Variants in EXOC6 observed in about 807,000 individuals in gnomAD.
EXOC6 encodes the protein SEC15-like 1.
A neutral mutation model predicts 112.5 loss-of-function variants in EXOC6; 60 were observed. The observed-to-expected ratio is 0.53, with a 90% confidence interval of 0.43 to 0.66. The LOEUF is 0.66. EXOC6 is among the 30% of genes least tolerant of loss of function. EXOC6 has a pLI of 0.00. For synonymous variants in EXOC6, 295 were observed against 308.0 expected (o/e 0.96, Z 0.44); for missense variants, 855 against 957.1 (o/e 0.89, Z 1.41).
intron 18 of EXOC6, among the ~76,000 whole-genome samples, chr10:92,993,492 G>A (rs1422358182): frequency 6.6e-6 from 1 of 151,958 alleles, no homozygotes; most frequent in Non-Finnish European, 1.5e-5. Flanking sequence ...TTTGAAATAA[G>A]AAAATGGTAA....
upstream of EXOC6, among the ~76,000 whole-genome samples, chr10:92,832,883 G>A (rs771110923): frequency 4.6e-5 from 7 of 152,062 alleles, no homozygotes; most frequent in Non-Finnish European, 5.9e-5. Context: ...GGCTAGTCTC[G>A]AACTCCTGGC....
upstream of EXOC6, among the ~76,000 whole-genome samples, chr10:92,831,078 A>T (rs1846466725): frequency 6.6e-6 from 1 of 152,228 alleles, no homozygotes; most frequent in South Asian, 2.1e-4. Context: ...GAAAGTTTTG[A>T]ATAAAAGGAA....
chr10:93,011,039 A>T lies in EXOC6; in HGVS notation c.2096-3155A>T, dbSNP rs559808579. ...GAAAAATTCTGAGCATTAAGTAGAT[A>T]ATAACTATATGTCTAATTGAAATTG... On this transcript the variant is annotated intron_variant, in intron 19 of 21. Coordinates refer to ENST00000260762, the MANE Select transcript of EXOC6 (RefSeq NM_019053.6). 6.7e-4 allele frequency among the ~76,000 whole-genome samples: 102 copies of T among 152,240 alleles called. 2 individuals carry two copies. The highest frequency in any genetic ancestry group is 2.4e-3 in the African/African-American group (98 of 41,540).
At chr10:93,042,946 A>G (rs1471317371) in intron 20 of EXOC6, among the ~76,000 whole-genome samples, 1 of 143,848 alleles carries the variant, frequency 7.0e-6, no homozygotes, top group African/African-American at 2.6e-5. Context: ...TATTATTATT[A>G]TTATTATTAT....
At chr10:92,923,513 T>A (rs1851554669) in intron 8 of EXOC6, among the ~76,000 whole-genome samples, 1 of 152,174 alleles carries the variant, frequency 6.6e-6, no homozygotes, top group Non-Finnish European at 1.5e-5. Context: ...ATCTGAAGGC[T>A]TAACAGGGGC....
chr10:93,025,391 A>T (rs554695864), intron 20 of EXOC6, among the ~76,000 whole-genome samples: 3 of 152,200 alleles, frequency 2.0e-5, no homozygotes, highest in Non-Finnish European at 4.4e-5. Context: ...CTAGTGAGGG[A>T]TGAGATACCT....
intron 8 of EXOC6, among the ~76,000 whole-genome samples, chr10:92,927,641 C>G (rs891649949): frequency 1.3e-5 from 2 of 152,192 alleles, no homozygotes; most frequent in Admixed American, 1.3e-4. Context: ...AAACGTTCAT[C>G]ATCACAGGGA....
chr10:92,926,233 T>G (rs1851710733), intron 8 of EXOC6, among the ~76,000 whole-genome samples: 1 of 151,912 alleles, frequency 6.6e-6, no homozygotes, highest in African/African-American at 2.4e-5. Context: ...TTTGCATCAG[T>G]TTAGTACTGA....
chr10:92,894,359 T>C (rs995220664), intron 2 of EXOC6, among the ~76,000 whole-genome samples: 2 of 152,174 alleles, frequency 1.3e-5, no homozygotes, highest in African/African-American at 4.8e-5. Context: ...TTTCTGTGTT[T>C]GATGTTAATC....
intron 4 of EXOC6, among the ~76,000 whole-genome samples, chr10:92,896,841 C>A (rs369860502): frequency 5.3e-5 from 8 of 152,134 alleles, no homozygotes; most frequent in Non-Finnish European, 1.2e-4. Context: ...CAGGTGTAAG[C>A]CACTGCGCCT....
At chr10:92,940,669 T>C (rs1852610111) in intron 12 of EXOC6, 58 bp from the exon 13 acceptor site, 6 of 1,167,334 alleles carry the variant, frequency 5.1e-6, no homozygotes, top group Non-Finnish European at 2.5e-6. Context: ...TTCCCAACAT[T>C]TTTAATGAAT....
At chr10:93,006,772 A>G (rs1043542172) in intron 19 of EXOC6, among the ~76,000 whole-genome samples, 3 of 152,240 alleles carry the variant, frequency 2.0e-5, no homozygotes, top group Non-Finnish European at 4.4e-5. Context: ...ATCTAGATAG[A>G]AATGAAATTA....
upstream of EXOC6, among the ~76,000 whole-genome samples, chr10:92,844,151 G>GAA (rs60056645): frequency 4.8e-3 from 635 of 132,056 alleles, 6 homozygotes; most frequent in African/African-American, 0.015. Flanking sequence ...CTGTGTCTCA[G>GAA]AAAAAAAAAA....
chr10:92,877,030 A>ATTTTTTG (rs1226528421), intron 1 of EXOC6, among the ~76,000 whole-genome samples: 4 of 152,040 alleles, frequency 2.6e-5, no homozygotes, highest in Non-Finnish European at 5.9e-5. Context: ...CTGCGTAATG[A>ATTTTTTG]TTTTTTGTTT....
chr10:93,018,799 G>C (rs1844654085), intron 20 of EXOC6, among the ~76,000 whole-genome samples: 1 of 151,500 alleles, frequency 6.6e-6, no homozygotes, highest in Non-Finnish European at 1.5e-5. Context: ...AGGATGATGG[G>C]TTTATTGTGC....
Position 92,940,813 on chromosome 10 carries a change from T to A in EXOC6, c.1299T>A (p.Ala433=). 1 of 1,608,206 alleles carries A rather than the reference T, an allele frequency of 6.2e-7. No homozygotes were observed. The highest frequency in any genetic ancestry group is 8.5e-7 in the Non-Finnish European group (1 of 1,177,052). ...QYNETLLKKW[A]GVFRDIFEED... ...ATGAAACACTGCTTAAGAAATGGGC[T>A]GGAGTTTTCAGGTTAGTCTAAGTCA... is the stretch of plus-strand genomic sequence containing the variant. The change falls in exon 13 of 22, where the codon GCT becomes GCA. Residue 433 remains alanine (A), a synonymous_variant. Transcript: ENST00000260762.
chr10:92,979,078 C>A (rs1842733476), intron 18 of EXOC6, among the ~76,000 whole-genome samples: 1 of 152,164 alleles, frequency 6.6e-6, no homozygotes, highest in Non-Finnish European at 1.5e-5. Flanking sequence ...CCTGATTGAA[C>A]CTTTTAAGCT....
chr10:92,855,648 A>T (rs1847564959), intron 1 of EXOC6, among the ~76,000 whole-genome samples: 1 of 151,652 alleles, frequency 6.6e-6, no homozygotes, highest in African/African-American at 2.4e-5. Context: ...TCTTTCTAGG[A>T]ATTTGTTGTG....
At chr10:92,910,228 G>A (rs972802087) in intron 6 of EXOC6, among the ~76,000 whole-genome samples, 9 of 152,170 alleles carry the variant, frequency 5.9e-5, no homozygotes, top group African/African-American at 2.2e-4. Context: ...AACCCAAATG[G>A]CTTTCAGAAG....
Sources: allele counts gnomAD v4.1 joint callset (sites outside exome capture counted in the v4.1 genomes callset), GRCh38; gene constraint gnomAD v4.1.1; transcripts MANE v1.5; gene names NCBI Gene and HGNC (gene_info 2026-07-23, HGNC 2026-07-21).